DNAI4: variants seen among roughly 807,000 people sequenced by gnomAD.
The protein encoded by DNAI4 is dynein axonemal intermediate chain 4.
In DNAI4, 85 loss-of-function variants were observed where a neutral mutation model predicts 105.8. The ratio of observed to expected loss-of-function variants is 0.80; its 90% CI spans 0.67 to 0.96. The LOEUF (loss-of-function observed/expected upper bound fraction) is 0.96. Ranked by LOEUF, DNAI4 falls within the 40% of genes least tolerant of loss-of-function variation. The pLI is 0.00. For synonymous variants in DNAI4, 352 were observed against 331.5 expected (o/e 1.06, Z -0.67); for missense variants, 1,014 against 1,005.6 (o/e 1.01, Z -0.11).
intron 15 of DNAI4, among the ~76,000 whole-genome samples, chr1:66,825,346 AT>A (rs1330473287): frequency 1.3e-5 from 2 of 150,242 alleles, no homozygotes; most frequent in South Asian, 2.1e-4. Flanking sequence ...CGCCCGGCTA[AT>A]TTTTTTTGTA....
intron 7 of DNAI4, chr1:66,860,719 TTTTTG>T (rs1327177561): frequency 9.9e-5 from 15 of 152,228 alleles, no homozygotes; most frequent in African/African-American, 3.6e-4. Flanking sequence ...CACTCGCACA[TTTTTG>T]TAGGTCAATG....
In DNAI4 at chr1:66,813,986, G is replaced by C; in HGVS notation, c.*144C>G. 1 of 567,638 alleles carries C rather than the reference G, an allele frequency of 1.8e-6. No homozygotes were observed. Among genetic ancestry groups the C allele is most frequent in the East Asian group, 3.1e-5 (1 of 32,512 alleles). The allele number at this position is 567,638 out of a possible 1,614,324, so 35.2% of individuals were successfully genotyped here. On this transcript the variant is annotated 3_prime_UTR_variant, in exon 17 of 17. Coordinates refer to ENST00000371026, the MANE Select transcript of DNAI4 (RefSeq NM_024763.5). ...CTAATCAAATATCTCTGAAATAAAA[G>C]TTTATTAAATTTAAATTAAGTGGAA...
intron 1 of DNAI4, among the ~76,000 whole-genome samples, chr1:66,905,918 CTTTTTTTTTT>C (rs34206774): frequency 7.3e-5 from 7 of 96,408 alleles, no homozygotes; most frequent in African/African-American, 2.8e-4. Context: ...TTATATACTA[CTTTTTTTTTT>C]TTTTTTTTTT....
At chr1:66,905,593 A>G (rs991410086) in intron 1 of DNAI4, among the ~76,000 whole-genome samples, 2 of 152,168 alleles carry the variant, frequency 1.3e-5, no homozygotes, top group Admixed American at 6.5e-5. Flanking sequence ...AGAGGTTGCT[A>G]TTAATATTAT....
chr1:66,897,257 T>C (rs1648412048), intron 2 of DNAI4, among the ~76,000 whole-genome samples: 1 of 152,140 alleles, frequency 6.6e-6, no homozygotes, highest in Admixed American at 6.5e-5. Flanking sequence ...CCTGGCAAAA[T>C]AAATATTAAT....
Position 66,909,108 on chromosome 1 carries a change from C to T in DNAI4, c.171-3733G>A, listed in dbSNP as rs571223831. ...TTCTCTCTCTGCATCATAAGTTTTT[C>T]TCTCTCTATTGGATAATTACCTTCA... On this transcript the variant is annotated intron_variant, in intron 1 of 16. Coordinates refer to ENST00000371026, the MANE Select transcript of DNAI4 (RefSeq NM_024763.5). Among the ~76,000 whole-genome samples, 3 of 152,204 alleles carry T rather than the reference C, an allele frequency of 2.0e-5. No homozygotes were observed. In the East Asian group the frequency reaches 5.8e-4, roughly 29 times the overall value.
intron 7 of DNAI4, chr1:66,848,344 T>C (rs1340623176): frequency 2.2e-6 from 1 of 445,008 alleles, no homozygotes; most frequent in Non-Finnish European, 4.5e-6. Flanking sequence ...TAGTACCCCA[T>C]GTGATTAGAC....
intron 7 of DNAI4, chr1:66,848,261 T>C (rs1438616127): frequency 2.2e-6 from 1 of 456,190 alleles, no homozygotes; most frequent in South Asian, 1.5e-5. Flanking sequence ...CAACATTGAT[T>C]GCATTCCCGC....
intron 2 of DNAI4, chr1:66,904,823 T>C: frequency 5.1e-6 from 1 of 196,900 alleles, no homozygotes; most frequent in Non-Finnish European, 1.0e-5. Context: ...AAAGAGTCAA[T>C]TCTTAATTAT....
rs1557910864 is a variant in DNAI4, at chr1:66,837,807, G to GA, written c.1495-12dup. 1 of 1,590,046 alleles carries GA rather than the reference G, an allele frequency of 6.3e-7. No homozygotes were observed. The highest frequency in any genetic ancestry group is 8.5e-7 in the Non-Finnish European group (1 of 1,172,342). Reference sequence around the variant, plus strand: ...AACAGCCAAAAGATCCTGAAAACCAGAAAAATACATTTAAAAATAAGAGAA... The same window carrying GA: ...AACAGCCAAAAGATCCTGAAAACCAGAAAAAATACATTTAAAAATAAGAGAA... On this transcript the variant is annotated splice_polypyrimidine_tract_variant and intron_variant, in intron 9 of 16. Transcript: ENST00000371026.
intron 6 of DNAI4, among the ~76,000 whole-genome samples, chr1:66,869,105 T>TAAATAAATAAATAAAA (rs1646789425): frequency 6.7e-6 from 1 of 148,230 alleles, no homozygotes; most frequent in African/African-American, 2.6e-5. Flanking sequence ...AATAAATAAA[T>TAAATAAATAAATAAAA]CCTAGATATG....
At chr1:66,891,534 T>A (rs902822741) in intron 3 of DNAI4, among the ~76,000 whole-genome samples, 3 of 152,260 alleles carry the variant, frequency 2.0e-5, no homozygotes, top group Non-Finnish European at 2.9e-5. Context: ...TGATCTCTGC[T>A]CACTGCAACC....
rs1392225106 is a variant in DNAI4 at position 66,893,412 on chromosome 1, A to G, written c.347T>C (p.Val116Ala). Residue 116 changes from valine (V) to alanine (A), a missense_variant and splice_region_variant, in exon 3 of 17, where the codon GTA becomes GCA. Transcript: ENST00000371026. ...AACATCAGTTCCATTTATGTCAAAT[A>G]CCTGTTAAAAATGGTTATTTAAAAT... ...KPNPNIKTTQVFDINGTDVTP... is the reference protein window; with the variant it reads ...KPNPNIKTTQAFDINGTDVTP... 1 of 1,521,050 alleles carries G rather than the reference A, an allele frequency of 6.6e-7. No individual in the cohort carries two copies. The highest frequency in any genetic ancestry group is 2.2e-5 in the Admixed American group (1 of 45,996). The allele number at this position is 1,521,050 out of a possible 1,614,324, so 94.2% of individuals were successfully genotyped here. A position where few individuals can be genotyped will look rare whatever the true frequency, so the allele number is the denominator to read the frequency against.
intron 13 of DNAI4, among the ~76,000 whole-genome samples, chr1:66,833,008 C>T (rs1297962214): frequency 1.3e-5 from 2 of 151,992 alleles, no homozygotes; most frequent in Non-Finnish European, 2.9e-5. Context: ...GATAGAGCAG[C>T]AGAGTGGCCA....
intron 1 of DNAI4, among the ~76,000 whole-genome samples, chr1:66,923,521 G>A (rs1173266802): frequency 6.6e-6 from 1 of 152,190 alleles, no homozygotes; most frequent in African/African-American, 2.4e-5. Flanking sequence ...TGGTTTCTCA[G>A]AACCCAAATA....
chr1:66,856,492 A>G (rs80005937), intron 7 of DNAI4, among the ~76,000 whole-genome samples: 2 of 151,666 alleles, frequency 1.3e-5, no homozygotes, highest in Admixed American at 1.3e-4. Context: ...AAATAAAAAT[A>G]AAAAAAAATT....
At position 66,836,210 on chromosome 1, in the gene DNAI4, G is replaced by GAAAGAAAGAA. The variant is rs1557908328; in HGVS notation, c.1582-434_1582-433insTTCTTTCTTT. ...AAAGAAAGAAAGAAAGAAAGAAAGA[G>GAAAGAAAGAA]AGAGAGAGAGAGAGAGAGAGAGAGA... On this transcript the variant is annotated intron_variant, in intron 10 of 16. Transcript: ENST00000371026. 6.6e-4 allele frequency among the ~76,000 whole-genome samples: 30 copies of GAAAGAAAGAA among 45,382 alleles called. 1 individual carries two copies. The highest frequency in any genetic ancestry group is 3.6e-3 in the South Asian group (4 of 1,110). The allele number at this position is 45,382 out of a possible 152,430, so 29.8% of individuals were successfully genotyped here. A position where few individuals can be genotyped will look rare whatever the true frequency, so the allele number is the denominator to read the frequency against.
chr1:66,921,797 G>A (rs1017136730), intron 1 of DNAI4, among the ~76,000 whole-genome samples: 4 of 152,064 alleles, frequency 2.6e-5, no homozygotes, highest in African/African-American at 9.7e-5. Flanking sequence ...TCTAGGCAAT[G>A]GATACAGTAG....
At chr1:66,914,506 T>C (rs943036683) in intron 1 of DNAI4, among the ~76,000 whole-genome samples, 3 of 152,234 alleles carry the variant, frequency 2.0e-5, no homozygotes, top group Non-Finnish European at 4.4e-5. Context: ...ATTTCTACAA[T>C]TTTATGTTTA....
Sources: allele counts gnomAD v4.1 joint callset (sites outside exome capture counted in the v4.1 genomes callset), GRCh38; gene constraint gnomAD v4.1.1; transcripts MANE v1.5; gene names NCBI Gene and HGNC (gene_info 2026-07-23, HGNC 2026-07-21).